ARHGEF9: variants seen among roughly 807,000 people sequenced by gnomAD.
The protein encoded by ARHGEF9 is Cdc42 guanine nucleotide exchange factor 9.
A neutral mutation model predicts 41.3 loss-of-function variants in ARHGEF9; 2 were observed. The ratio of observed to expected loss-of-function variants is 0.05; its 90% CI spans 0.02 to 0.15. The LOEUF (loss-of-function observed/expected upper bound fraction) is 0.15, where lower values mean the gene tolerates loss of function less well. Among genes scored for constraint, ARHGEF9 ranks in the 10% least tolerant of loss-of-function variants. ARHGEF9 has a pLI of 1.00. For missense variants in ARHGEF9, 225 were observed against 424.7 expected (o/e 0.53, Z 4.13); for synonymous variants, 160 against 154.4 (o/e 1.04, Z -0.27).
chrX:63,644,196 C>A (rs1195301746), intron 8 of ARHGEF9, 148 bp from the exon 9 acceptor site: 3 of 414,930 alleles, frequency 7.2e-6, no homozygotes, highest in East Asian at 4.1e-5. Flanking sequence ...TCCCTTTAAC[C>A]CAGTAATTTC....
In ARHGEF9 at chrX:63,673,995, A is replaced by G. The variant is rs781913859; in HGVS notation, c.945+43T>C. 6.6e-6 allele frequency: 8 copies of G among 1,207,399 alleles called. No individual in the cohort carries two copies. In the East Asian group the frequency reaches 1.2e-4, roughly 18 times the overall value. On this transcript the variant is annotated intron_variant, in intron 6 of 9. Coordinates refer to ENST00000671741, the MANE Select transcript of ARHGEF9 (RefSeq NM_001353921.2). ...TAGCTAAGATGGGAAGCTTTTGCCA[A>G]GCTATTCAGATTTCCCAATACCCTG...
intron 1 of ARHGEF9, among the ~76,000 whole-genome samples, chrX:63,758,439 A>G (rs1230053118): frequency 3.5e-5 from 4 of 112,838 alleles, no homozygotes; most frequent in African/African-American, 6.4e-5. Flanking sequence ...CCTGACTTAT[A>G]TAATGCCTCT....
intron 1 of ARHGEF9, 31 bp from the exon 2 acceptor site, chrX:63,724,742 C>A: frequency 8.4e-7 from 1 of 1,189,080 alleles, no homozygotes; most frequent in Non-Finnish European, 1.1e-6. Flanking sequence ...TGTGTTCAGT[C>A]CACACAGCTA....
intron 1 of ARHGEF9, among the ~76,000 whole-genome samples, chrX:63,770,463 T>G (rs1236320272): frequency 3.6e-5 from 4 of 112,003 alleles, no homozygotes; most frequent in African/African-American, 1.3e-4. Context: ...GGCTCATAGG[T>G]GGAAGGAACC....
At chrX:63,724,268 C>A (rs1432301808) in intron 2 of ARHGEF9, among the ~76,000 whole-genome samples, 2 of 111,739 alleles carry the variant, frequency 1.8e-5, no homozygotes, top group Non-Finnish European at 3.8e-5. Context: ...GAAACCAAGA[C>A]CCAGACAAGG....
intron 4 of ARHGEF9, among the ~76,000 whole-genome samples, chrX:63,689,635 T>C (rs1406233929): frequency 8.9e-6 from 1 of 112,257 alleles, no homozygotes. Context: ...AGTTGTACTA[T>C]AGACCAAATG....
chrX:63,655,109 A>T (rs1264485791), intron 8 of ARHGEF9, among the ~76,000 whole-genome samples: 1 of 112,634 alleles, frequency 8.9e-6, no homozygotes, highest in African/African-American at 3.2e-5. Flanking sequence ...GGATTTAGTT[A>T]ACATCTGAAG....
intron 1 of ARHGEF9, among the ~76,000 whole-genome samples, chrX:63,773,840 C>T (rs1256611167): frequency 1.8e-5 from 2 of 110,170 alleles, no homozygotes; most frequent in Non-Finnish European, 3.8e-5. Context: ...TTTTTTCTAG[C>T]CTTAAGACTT....
In ARHGEF9 at chrX:63,637,846, C is replaced by CTGTGTG. The variant is rs10542660; in HGVS notation, c.*176_*181dup. 3.3e-4 allele frequency: 102 copies of CTGTGTG among 310,482 alleles called. No individual in the cohort carries two copies. In the East Asian group the frequency reaches 4.2e-3, roughly 13 times the overall value. 25.6% of individuals were successfully genotyped at this position (310,482 alleles called of 1,213,427 possible). A position where few individuals can be genotyped will look rare whatever the true frequency, so the allele number is the denominator to read the frequency against. On this transcript the variant is annotated 3_prime_UTR_variant, in exon 10 of 10. Coordinates refer to ENST00000671741, the MANE Select transcript of ARHGEF9 (RefSeq NM_001353921.2). Reference sequence around the variant, plus strand: ...GAAAACACTTTTGTTCCTTATCTCTCTGTGTGTGTGTGTGTGTGTGTGTGT... The same window carrying CTGTGTG: ...GAAAACACTTTTGTTCCTTATCTCTCTGTGTGTGTGTGTGTGTGTGTGTGTGTGTGT...
chrX:63,663,305 A>G (rs1463952139), intron 7 of ARHGEF9, among the ~76,000 whole-genome samples: 1 of 111,609 alleles, frequency 9.0e-6, no homozygotes, highest in Non-Finnish European at 1.9e-5. Context: ...GCATTTTTAA[A>G]AACTAATTTT....
At chrX:63,716,162 C>A in intron 2 of ARHGEF9, 1 of 110,344 alleles carries the variant, frequency 9.1e-6, no homozygotes, top group Middle Eastern at 4.7e-3. Flanking sequence ...GTGGCAGGTG[C>A]CTGTAGTCCC....
At chrX:63,730,686 T>G (rs1487179230) in intron 1 of ARHGEF9, among the ~76,000 whole-genome samples, 2 of 111,983 alleles carry the variant, frequency 1.8e-5, no homozygotes, top group Non-Finnish European at 3.8e-5. Context: ...TGTCCTAGTG[T>G]AGGCCCTACC....
chrX:63,740,427 T>C (rs1425914707), intron 1 of ARHGEF9, among the ~76,000 whole-genome samples: 1 of 112,159 alleles, frequency 8.9e-6, no homozygotes, highest in Non-Finnish European at 1.9e-5. Flanking sequence ...TGCAGCTTTA[T>C]GCATGGAGAA....
At chrX:63,673,937 G>T (rs2050105825) in intron 6 of ARHGEF9, 101 bp downstream of exon 6, 4 of 1,032,838 alleles carry the variant, frequency 3.9e-6, no homozygotes, top group Admixed American at 4.6e-5. Flanking sequence ...CCTTACTGTT[G>T]CTCTTCAAAT....
In ARHGEF9 at chrX:63,724,585, A is replaced by T; in HGVS notation, c.157T>A (p.Trp53Arg). 1 of 1,210,964 alleles carries T rather than the reference A, an allele frequency of 8.3e-7. No individual in the cohort carries two copies. ...KVLDASNKDW[W>R]WGQIDDEEGW... ...TCCTCATCGTCGATCTGGCCCCACC[A>T]CCAATCCTTGTTGGAAGCATCCAAG... is the stretch of plus-strand genomic sequence containing the variant. Residue 53 changes from tryptophan to arginine, a missense_variant, in exon 2 of 10, where the codon TGG becomes AGG. By Grantham distance (101) the Trp-to-Arg change is moderately radical. Coordinates refer to ENST00000671741, the MANE Select transcript of ARHGEF9 (RefSeq NM_001353921.2).
intron 4 of ARHGEF9, among the ~76,000 whole-genome samples, chrX:63,686,508 C>T (rs1262884477): frequency 9.0e-6 from 1 of 111,441 alleles, no homozygotes; most frequent in Non-Finnish European, 1.9e-5. Context: ...GACTTGATCA[C>T]TATGCATTAT....
At chrX:63,779,593 C>A (rs782702788) in intron 1 of ARHGEF9, among the ~76,000 whole-genome samples, 3 of 111,843 alleles carry the variant, frequency 2.7e-5, no homozygotes, top group African/African-American at 9.8e-5. Context: ...GGGGTGGGGA[C>A]ACAGCAAAAC....
At chrX:63,669,583 G>A (rs1239776778) in intron 6 of ARHGEF9, among the ~76,000 whole-genome samples, 1 of 111,042 alleles carries the variant, frequency 9.0e-6, no homozygotes, top group Non-Finnish European at 1.9e-5. Context: ...ACTCTGGGTA[G>A]AGTAACAACA....
At chrX:63,643,815 A>C (rs782321966) in intron 9 of ARHGEF9, among the ~76,000 whole-genome samples, 165 bp downstream of exon 9, 6 of 110,947 alleles carry the variant, frequency 5.4e-5, no homozygotes, top group African/African-American at 2.0e-4. Flanking sequence ...CCTTAGCCTT[A>C]AGCATTTAAA....
Sources: gnomAD v4.1 joint callset for allele counts (sites outside exome capture counted in the v4.1 genomes callset) on GRCh38, gnomAD v4.1.1 for gene constraint, MANE v1.5 for transcripts, NCBI Gene and HGNC (gene_info 2026-07-23, HGNC 2026-07-21) for gene names.